CNTN4: variants seen among roughly 807,000 people sequenced by gnomAD.
CNTN4 encodes the protein contactin 4.
In CNTN4, 77 loss-of-function variants were observed where a neutral mutation model predicts 122.5. The ratio of observed to expected loss-of-function variants is 0.63; its 90% CI spans 0.52 to 0.76. The LOEUF (loss-of-function observed/expected upper bound fraction) is 0.76, where lower values mean the gene tolerates loss of function less well. CNTN4 is among the 30% of genes least tolerant of loss of function. CNTN4 has a pLI of 0.00. For synonymous variants in CNTN4, 512 were observed against 447.0 expected, an observed-to-expected ratio of 1.15 and a Z score of -1.83; for missense variants, 1,256 against 1,259.1, an observed-to-expected ratio of 1.00 and a Z score of 0.04.
At chr3:2,214,682 C>A (rs934885347) in intron 2 of CNTN4, among the ~76,000 whole-genome samples, 2 of 152,134 alleles carry the variant, frequency 1.3e-5, no homozygotes, top group African/African-American at 4.8e-5. Flanking sequence ...TCCACTCAAT[C>A]TCTTGAAATC....
At position 2,447,562 on chromosome 3, in the gene CNTN4, C is replaced by A. The variant is rs115939553; in HGVS notation, c.-89+108329C>A. Among the ~76,000 whole-genome samples the A allele has an allele frequency of 7.0e-3, 1,067 of 151,936 alleles. 6 individuals are homozygous for A. The highest frequency in any genetic ancestry group is 0.024 in the African/African-American group (1,006 of 41,430). ...TTCATAAGAGCAATTTCTTTTTCTA[C>A]GTAGCAAGACCTGTAAGAATATAGG... On this transcript the variant is annotated intron_variant, in intron 3 of 24. Coordinates refer to ENST00000418658, the MANE Select transcript of CNTN4 (RefSeq NM_175607.3).
intron 4 of CNTN4, among the ~76,000 whole-genome samples, chr3:2,627,710 G>T (rs1054454381): frequency 1.3e-5 from 2 of 151,954 alleles, no homozygotes; most frequent in East Asian, 3.9e-4. Context: ...AGCCAGGATG[G>T]TCTCGATCTC....
chr3:2,539,900 C>G (rs906011345), intron 3 of CNTN4, among the ~76,000 whole-genome samples: 2 of 152,022 alleles, frequency 1.3e-5, no homozygotes, highest in Non-Finnish European at 2.9e-5. Context: ...GGTGATTACT[C>G]AACTCTTGCA....
At chr3:2,498,240 A>G (rs1009360297) in intron 3 of CNTN4, among the ~76,000 whole-genome samples, 7 of 152,252 alleles carry the variant, frequency 4.6e-5, no homozygotes, top group African/African-American at 1.7e-4. Context: ...GTAAATACTG[A>G]TTGCATTTAT....
chr3:2,183,483 A>G (rs2037112473), intron 2 of CNTN4, among the ~76,000 whole-genome samples: 1 of 152,080 alleles, frequency 6.6e-6, no homozygotes, highest in South Asian at 2.1e-4. Context: ...TTTTTTGCCC[A>G]ATAAATTATT....
intron 2 of CNTN4, among the ~76,000 whole-genome samples, chr3:2,201,733 C>T (rs2038104401): frequency 6.6e-6 from 1 of 151,950 alleles, no homozygotes; most frequent in African/African-American, 2.4e-5. Context: ...GCATGCGCTG[C>T]TGGCAAAAAA....
intron 3 of CNTN4, among the ~76,000 whole-genome samples, chr3:2,409,975 T>A (rs930806505): frequency 8.5e-5 from 13 of 152,200 alleles, no homozygotes; most frequent in Non-Finnish European, 1.6e-4. Context: ...AAGATTCTAC[T>A]GGGTCATTAT....
intron 2 of CNTN4, among the ~76,000 whole-genome samples, chr3:2,141,080 A>G (rs2034971854): frequency 6.6e-6 from 1 of 152,182 alleles, no homozygotes; most frequent in Admixed American, 6.6e-5. Context: ...GGGGAGCTGG[A>G]GAAACAATTC....
intron 1 of CNTN4, 62 bp from the exon 2 acceptor site, chr3:2,100,491 CATACA>C (rs1297583794): frequency 6.6e-6 from 1 of 152,150 alleles, no homozygotes; most frequent in South Asian, 2.1e-4. Context: ...TGAGCAGGTC[CATACA>C]ATAGCGTTCC....
At chr3:2,409,082 C>T (rs763715174) in intron 3 of CNTN4, among the ~76,000 whole-genome samples, 1 of 151,966 alleles carries the variant, frequency 6.6e-6, no homozygotes, top group Non-Finnish European at 1.5e-5. Flanking sequence ...ATAGCTGTGT[C>T]TCTACACCCA....
intron 4 of CNTN4, among the ~76,000 whole-genome samples, chr3:2,590,573 A>G (rs930400056): frequency 6.6e-6 from 1 of 152,008 alleles, no homozygotes; most frequent in African/African-American, 2.4e-5. Context: ...TTTTCAAGGC[A>G]TATAATGTCT....
chr3:3,019,779 T>TATATATATATATATACACATGC (rs2125583424), intron 14 of CNTN4, among the ~76,000 whole-genome samples: 1 of 88,788 alleles, frequency 1.1e-5, no homozygotes, highest in East Asian at 2.1e-4. Flanking sequence ...TATATATATA[T>TATATATATATATATACACATGC]ATATATATAT....
At chr3:2,621,725 A>C (rs985958344) in intron 4 of CNTN4, among the ~76,000 whole-genome samples, 3 of 152,150 alleles carry the variant, frequency 2.0e-5, no homozygotes, top group African/African-American at 7.2e-5. Context: ...ACGAAATACA[A>C]TGTATATGCA....
intron 2 of CNTN4, among the ~76,000 whole-genome samples, chr3:2,249,052 C>T (rs890494974): frequency 6.6e-6 from 1 of 151,824 alleles, no homozygotes; most frequent in African/African-American, 2.4e-5. Flanking sequence ...AAAAATTGTA[C>T]CCTGACCTCA....
intron 2 of CNTN4, among the ~76,000 whole-genome samples, chr3:2,334,188 C>T (rs776531424): frequency 1.3e-5 from 2 of 152,160 alleles, no homozygotes; most frequent in African/African-American, 4.8e-5. Flanking sequence ...GATGGAGTCT[C>T]GCTCTGTCAC....
intron 13 of CNTN4, among the ~76,000 whole-genome samples, chr3:2,971,919 A>G (rs1577454470): frequency 6.6e-6 from 1 of 152,220 alleles, no homozygotes; most frequent in African/African-American, 2.4e-5. Context: ...ACTTTACATT[A>G]TGTGGAGATA....
At chr3:2,412,560 C>T (rs1156574586) in intron 3 of CNTN4, among the ~76,000 whole-genome samples, 3 of 152,112 alleles carry the variant, frequency 2.0e-5, no homozygotes, top group Non-Finnish European at 4.4e-5. Context: ...GCCCAGTCAA[C>T]AGTTCTCGTG....
At chr3:2,259,373 A>G (rs963458595) in intron 2 of CNTN4, among the ~76,000 whole-genome samples, 4 of 152,222 alleles carry the variant, frequency 2.6e-5, no homozygotes, top group African/African-American at 9.6e-5. Context: ...TTCTCATGTT[A>G]CATGATGGGG....
rs148951741 is a variant in CNTN4 at position 2,699,625 on chromosome 3, G to A, written c.56-36590G>A. On this transcript the variant is annotated intron_variant, in intron 4 of 24. Transcript: ENST00000418658. Reference sequence around the variant, plus strand: ...TGTTGTCAGGGAGCGCTTAGTGTCCGAATGGCTAGTACAGTATGCTTCAGG... The same window carrying A: ...TGTTGTCAGGGAGCGCTTAGTGTCCAAATGGCTAGTACAGTATGCTTCAGG... Among the ~76,000 whole-genome samples, 32 of 152,260 alleles carry A rather than the reference G, an allele frequency of 2.1e-4. 1 individual carries two copies. The East Asian group carries it at 5.8e-3, about 28-fold the overall frequency.
Sources: gnomAD v4.1 joint callset for allele counts (sites outside exome capture counted in the v4.1 genomes callset) on GRCh38, gnomAD v4.1.1 for gene constraint, MANE v1.5 for transcripts, NCBI Gene and HGNC (gene_info 2026-07-23, HGNC 2026-07-21) for gene names.